KIAA1217: variants seen among roughly 807,000 people sequenced by gnomAD.
The protein encoded by KIAA1217 is sickle tail protein homolog.
A neutral mutation model predicts 163.9 loss-of-function variants in KIAA1217; 88 were observed. That is an observed-to-expected ratio of 0.54 (90% confidence interval 0.45 to 0.64). The LOEUF (loss-of-function observed/expected upper bound fraction) is 0.64, where lower values mean the gene tolerates loss of function less well. Among genes scored for constraint, KIAA1217 ranks in the 30% least tolerant of loss-of-function variants. The probability of loss-of-function intolerance (pLI) is 0.00; values close to 1 mark genes in which losing one functional copy is unlikely to be tolerated. For synonymous variants in KIAA1217, 903 were observed against 923.1 expected (o/e 0.98, Z 0.39); for missense variants, 2,372 against 2,475.0 (o/e 0.96, Z 0.88).
At chr10:23,707,842 C>T (rs1241629406) in intron 1 of KIAA1217, among the ~76,000 whole-genome samples, 1 of 152,168 alleles carries the variant, frequency 6.6e-6, no homozygotes, top group African/African-American at 2.4e-5. Context: ...GATTTCTGCT[C>T]TTTCCATTCC....
intron 1 of KIAA1217, among the ~76,000 whole-genome samples, chr10:23,856,176 C>T (rs1415321803): frequency 6.6e-6 from 1 of 152,168 alleles, no homozygotes; most frequent in Non-Finnish European, 1.5e-5. Context: ...TGGTGATGTA[C>T]AGATGGGTTT....
rs767946736 is a variant in KIAA1217 at position 24,527,979 on chromosome 10, A to G, written c.2942A>G (p.His981Arg). 4 of 1,614,024 alleles carry G rather than the reference A, an allele frequency of 2.5e-6. No individual in the cohort carries two copies. The African/African-American group carries it at 5.3e-5, about 22-fold the overall frequency. ...GAGGAAAAAAGGCAAAATCTGGATCACTATAATGGGAAAGAGTTTGAGAAG... is the reference window on the plus strand; with the variant it reads ...GAGGAAAAAAGGCAAAATCTGGATCGCTATAATGGGAAAGAGTTTGAGAAG... ...KWEEKRQNLD[H>R]YNGKEFEKLL... Residue 981 changes from histidine to arginine, a missense_variant, in exon 14 of 21, where the codon CAC (histidine) becomes CGC (arginine). His to Arg is a conservative substitution (Grantham distance 29, BLOSUM62 0). This residue lies in a region of KIAA1217 where 1,431 missense variants were observed against 1,470.3 expected (regional missense o/e 0.97). Transcript: ENST00000376454.
chr10:24,196,569 C>T (rs1402332469), intron 2 of KIAA1217, among the ~76,000 whole-genome samples: 1 of 152,166 alleles, frequency 6.6e-6, no homozygotes, highest in African/African-American at 2.4e-5. Flanking sequence ...AAAGTTTACA[C>T]CTTGAAGAGG....
chr10:23,906,396 G>A (rs1434720868), intron 1 of KIAA1217, among the ~76,000 whole-genome samples: 1 of 151,950 alleles, frequency 6.6e-6, no homozygotes, highest in Non-Finnish European at 1.5e-5. Flanking sequence ...AATGTGAAAT[G>A]GAATGTACTT....
At chr10:24,427,367 G>A (rs1414876828) in intron 3 of KIAA1217, among the ~76,000 whole-genome samples, 2 of 152,176 alleles carry the variant, frequency 1.3e-5, no homozygotes, top group Non-Finnish European at 2.9e-5. Context: ...AGCTCAGGTT[G>A]CCCTGAGAGG....
chr10:23,888,710 A>C (rs532791115), intron 1 of KIAA1217, among the ~76,000 whole-genome samples: 2 of 152,046 alleles, frequency 1.3e-5, no homozygotes, highest in East Asian at 3.9e-4. Context: ...GTTCTTAGAA[A>C]AATTTTAATG....
intron 2 of KIAA1217, chr10:24,158,571 A>G: frequency 2.0e-6 from 1 of 506,606 alleles, no homozygotes; most frequent in Non-Finnish European, 4.0e-6. Flanking sequence ...ACTAAACTGT[A>G]ATGGGAAGCA....
chr10:24,303,132 G>A lies in KIAA1217; in HGVS notation c.355-77737G>A, dbSNP rs575123208. Among the ~76,000 whole-genome samples, 4 of 152,122 alleles carry A rather than the reference G, an allele frequency of 2.6e-5. No individual in the cohort carries two copies. In the East Asian group the frequency reaches 5.8e-4, roughly 22 times the overall value. On this transcript the variant is annotated intron_variant, in intron 2 of 20. Transcript: ENST00000376454. The stretch of plus-strand genomic sequence containing the variant: ...GGGCTCCAGCGATCCTCCCATCTCA[G>A]CCTTCCTAGTAGCTGGGACTGCAGG...
chr10:24,456,748 G>A (rs2061831698), intron 5 of KIAA1217, among the ~76,000 whole-genome samples: 1 of 151,066 alleles, frequency 6.6e-6, no homozygotes, highest in East Asian at 2.0e-4. Flanking sequence ...TGTCCCCCAG[G>A]CTGGAGTGCA....
At chr10:24,109,657 G>A (rs2062768509) in intron 2 of KIAA1217, among the ~76,000 whole-genome samples, 1 of 152,152 alleles carries the variant, frequency 6.6e-6, no homozygotes, top group Non-Finnish European at 1.5e-5. Flanking sequence ...GTGCTTGAAA[G>A]TGAAAGGAAG....
At chr10:23,896,173 G>C (rs1426563214) in intron 1 of KIAA1217, among the ~76,000 whole-genome samples, 1 of 151,672 alleles carries the variant, frequency 6.6e-6, no homozygotes, top group African/African-American at 2.4e-5. Context: ...TAAAAAAGTA[G>C]AAGAATAATC....
At chr10:24,153,150 G>A (rs2131863580) in intron 2 of KIAA1217, among the ~76,000 whole-genome samples, 1 of 152,310 alleles carries the variant, frequency 6.6e-6, no homozygotes, top group Admixed American at 6.5e-5. Flanking sequence ...CTGTGGGGCT[G>A]TCTGTTTCGC....
Position 23,700,717 on chromosome 10 carries a change from C to T in KIAA1217, c.-321+5483C>T, listed in dbSNP as rs143330761. 1.0e-3 allele frequency among the ~76,000 whole-genome samples: 155 copies of T among 152,292 alleles called. 1 individual carries two copies. Among genetic ancestry groups the T allele is most frequent in the Non-Finnish European group, 1.7e-3 (115 of 68,032 alleles). The stretch of plus-strand genomic sequence containing the variant: ...ATAACCTGCTTGACTTCTCCACTTC[C>T]TTCAAATGTTTTCTCAAGTTCATCT... On this transcript the variant is annotated intron_variant, in intron 1 of 18. Transcript: ENST00000376462.
At chr10:23,913,538 G>A (rs1842521796) in intron 1 of KIAA1217, among the ~76,000 whole-genome samples, 1 of 152,044 alleles carries the variant, frequency 6.6e-6, no homozygotes, top group Non-Finnish European at 1.5e-5. Flanking sequence ...GGAGTGAGAA[G>A]TGTATAATAA....
intron 2 of KIAA1217, among the ~76,000 whole-genome samples, chr10:24,131,573 A>G (rs1338071915): frequency 6.6e-6 from 1 of 152,214 alleles, no homozygotes; most frequent in Non-Finnish European, 1.5e-5. Flanking sequence ...TTAGCGTCCC[A>G]TAATTATGCC....
At chr10:23,820,060 T>C (rs894370089) in intron 1 of KIAA1217, among the ~76,000 whole-genome samples, 1 of 152,272 alleles carries the variant, frequency 6.6e-6, no homozygotes, top group African/African-American at 2.4e-5. Flanking sequence ...ATCTGGTATA[T>C]GTACAGAATT....
At chr10:24,468,113 T>C (rs949742281) in intron 5 of KIAA1217, among the ~76,000 whole-genome samples, 1 of 152,190 alleles carries the variant, frequency 6.6e-6, no homozygotes, top group Non-Finnish European at 1.5e-5. Context: ...TATCAGATTC[T>C]GGAGTCTCTA....
intron 2 of KIAA1217, among the ~76,000 whole-genome samples, chr10:24,233,692 A>G (rs965265781): frequency 6.6e-6 from 1 of 152,192 alleles, no homozygotes; most frequent in Non-Finnish European, 1.5e-5. Context: ...AGTTTTTCTT[A>G]GAATAAAATA....
At chr10:23,829,659 A>G (rs1228550385) in intron 1 of KIAA1217, among the ~76,000 whole-genome samples, 1 of 152,196 alleles carries the variant, frequency 6.6e-6, no homozygotes, top group Non-Finnish European at 1.5e-5. Context: ...ATTATCAGTC[A>G]TCACAGTCAT....
Sources: allele counts gnomAD v4.1 joint callset (sites outside exome capture counted in the v4.1 genomes callset), GRCh38; gene constraint gnomAD v4.1.1; regional missense constraint gnomAD v4.1.1; transcripts MANE v1.5; gene names NCBI Gene and HGNC (gene_info 2026-07-23, HGNC 2026-07-21).